FBXL17: variants seen among roughly 807,000 people sequenced by gnomAD.
FBXL17 encodes F-box/LRR-repeat protein 17.
Under a neutral mutation model 66.2 loss-of-function variants are expected in FBXL17, and 22 were observed. The ratio of observed to expected loss-of-function variants is 0.33; its 90% CI spans 0.24 to 0.47. The LOEUF (loss-of-function observed/expected upper bound fraction) is 0.47, where lower values mean the gene tolerates loss of function less well. FBXL17 is among the 20% of genes least tolerant of loss of function. The pLI is 1.00. For synonymous variants in FBXL17, 474 were observed against 400.5 expected (o/e 1.18, Z -2.19); for missense variants, 878 against 948.2 (o/e 0.93, Z 0.97).
chr5:108,183,693 A>G (rs979861988), intron 6 of FBXL17, among the ~76,000 whole-genome samples: 2 of 152,092 alleles, frequency 1.3e-5, no homozygotes, highest in Non-Finnish European at 2.9e-5. Context: ...TGTACCCCAT[A>G]GGCAGTTTTT....
Position 107,924,084 on chromosome 5 carries a change from T to A in FBXL17, c.1823-42905A>T, listed in dbSNP as rs1487193060. On this transcript the variant is annotated intron_variant, in intron 7 of 8. Transcript: ENST00000542267. ...TGTTTTTTTTTTTTTTTTTTTTTTT[T>A]AAGATATGGGGTCTTACTTTGTTGC... is the stretch of plus-strand genomic sequence containing the variant. Among the ~76,000 whole-genome samples the A allele has an allele frequency of 8.8e-5, 9 of 102,544 alleles. No individual in the cohort carries two copies. The South Asian group carries it at 1.4e-3, about 16-fold the overall frequency. 67.3% of individuals were successfully genotyped at this position (102,544 alleles called of 152,430 possible). A position where few individuals can be genotyped will look rare whatever the true frequency, so the allele number is the denominator to read the frequency against.
rs17160871 is a variant in FBXL17, at chr5:108,022,500, C to T, written c.1746-1499G>A. 9.8e-3 allele frequency among the ~76,000 whole-genome samples: 1,488 copies of T among 151,992 alleles called. 29 individuals carry two copies. The highest frequency in any genetic ancestry group is 0.033 in the African/African-American group (1,372 of 41,508). ...CCTAAATCATTAAAAAATAATCTGA[C>T]GGCTTTCTGTCAAATCAAATATACA... On this transcript the variant is annotated intron_variant, in intron 6 of 8. Coordinates refer to ENST00000542267, the MANE Select transcript of FBXL17 (RefSeq NM_001163315.3).
intron 4 of FBXL17, among the ~76,000 whole-genome samples, chr5:108,294,209 A>G (rs187617242): frequency 1.3e-5 from 2 of 148,510 alleles, no homozygotes; most frequent in Admixed American, 1.3e-4. Context: ...TTTTGAAAAG[A>G]TACACTATAT....
intron 4 of FBXL17, among the ~76,000 whole-genome samples, chr5:108,272,630 A>T (rs768389151): frequency 2.0e-5 from 3 of 152,170 alleles, no homozygotes; most frequent in Admixed American, 6.5e-5. Flanking sequence ...CTGGGATTAC[A>T]GGCATAAGCT....
chr5:108,189,801 T>C (rs529784446), intron 5 of FBXL17, among the ~76,000 whole-genome samples: 1 of 152,298 alleles, frequency 6.6e-6, no homozygotes, highest in South Asian at 2.1e-4. Context: ...ACTAAGCAAC[T>C]GTGCTGTGAA....
At chr5:107,905,041 C>A (rs1454977099) in intron 7 of FBXL17, among the ~76,000 whole-genome samples, 2 of 151,568 alleles carry the variant, frequency 1.3e-5, no homozygotes, top group African/African-American at 4.9e-5. Context: ...TCAAACAGGG[C>A]AGCTGAACTT....
intron 8 of FBXL17, among the ~76,000 whole-genome samples, chr5:107,863,684 G>C (rs561215296): frequency 3.1e-4 from 47 of 152,278 alleles, no homozygotes; most frequent in Middle Eastern, 3.4e-3. Context: ...ATAGTTATTA[G>C]TGAGTGAATG....
At chr5:108,035,804 C>T (rs1344616203) in intron 6 of FBXL17, among the ~76,000 whole-genome samples, 1 of 151,980 alleles carries the variant, frequency 6.6e-6, no homozygotes, top group Non-Finnish European at 1.5e-5. Flanking sequence ...ACACCTAAAG[C>T]ACTCTACCCT....
At chr5:108,321,397 A>G (rs772743742) in intron 4 of FBXL17, among the ~76,000 whole-genome samples, 19 of 151,918 alleles carry the variant, frequency 1.3e-4, no homozygotes, top group Non-Finnish European at 2.4e-4. Flanking sequence ...CAAATCAAGT[A>G]CATGTCTTTT....
intron 4 of FBXL17, among the ~76,000 whole-genome samples, chr5:108,284,844 G>C (rs1195703429): frequency 6.6e-6 from 1 of 151,814 alleles, no homozygotes; most frequent in Non-Finnish European, 1.5e-5. Context: ...GGTGGCTGTG[G>C]TTAATTTCTT....
intron 7 of FBXL17, among the ~76,000 whole-genome samples, chr5:107,942,373 T>C (rs554437926): frequency 6.6e-6 from 1 of 152,304 alleles, no homozygotes; most frequent in South Asian, 2.1e-4. Context: ...CCTCATCTCT[T>C]TGTATAACCT....
At chr5:108,375,478 C>T (rs192536615) in intron 1 of FBXL17, among the ~76,000 whole-genome samples, 63 of 151,906 alleles carry the variant, frequency 4.1e-4, no homozygotes, top group African/African-American at 1.5e-3. Context: ...ATCAACCTTA[C>T]AAAAAGTACA....
intron 7 of FBXL17, among the ~76,000 whole-genome samples, chr5:108,013,761 G>T (rs1754270760): frequency 6.6e-6 from 1 of 152,102 alleles, no homozygotes; most frequent in African/African-American, 2.4e-5. Flanking sequence ...GGAATTTAGA[G>T]ATCATATAGG....
At chr5:108,140,213 T>C (rs1751298941) in intron 6 of FBXL17, among the ~76,000 whole-genome samples, 1 of 152,098 alleles carries the variant, frequency 6.6e-6, no homozygotes, top group African/African-American at 2.4e-5. Context: ...ATCAAGCTAA[T>C]TTTTCTGTTT....
intron 7 of FBXL17, among the ~76,000 whole-genome samples, chr5:107,957,329 A>G (rs529903563): frequency 1.5e-4 from 23 of 152,286 alleles, no homozygotes; most frequent in African/African-American, 5.5e-4. Flanking sequence ...AGGAAGTAAC[A>G]TGCTAATAAA....
rs1466441115 is a variant in FBXL17, at chr5:108,333,042, A to T, written c.1506+15357T>A. On this transcript the variant is annotated intron_variant, in intron 4 of 8. Coordinates refer to ENST00000542267, the MANE Select transcript of FBXL17 (RefSeq NM_001163315.3). ...CAAAAAGCTTCAAAAATAGATATAAAATCTTATATAAGAAGTTCTAAGTCA... is the reference window on the plus strand; with the variant it reads ...CAAAAAGCTTCAAAAATAGATATAATATCTTATATAAGAAGTTCTAAGTCA... Among the ~76,000 whole-genome samples, 8 of 148,012 alleles carry T rather than the reference A, an allele frequency of 5.4e-5. No homozygotes were observed. The East Asian group carries it at 1.6e-3, about 29-fold the overall frequency.
At chr5:108,050,081 C>G (rs1289966434) in intron 6 of FBXL17, among the ~76,000 whole-genome samples, 1 of 152,186 alleles carries the variant, frequency 6.6e-6, no homozygotes, top group African/African-American at 2.4e-5. Context: ...CACCCAGATT[C>G]ATAAAACAAG....
chr5:108,181,843 C>T (rs1160467093), intron 6 of FBXL17, among the ~76,000 whole-genome samples: 2 of 152,062 alleles, frequency 1.3e-5, no homozygotes, highest in Non-Finnish European at 2.9e-5. Context: ...CCAGCTATGA[C>T]GCGGAAAATT....
intron 6 of FBXL17, among the ~76,000 whole-genome samples, chr5:108,154,685 A>ATGTG (rs1237766472): frequency 7.2e-4 from 105 of 144,918 alleles, no homozygotes; most frequent in Middle Eastern, 3.6e-3. Context: ...ATATATATAC[A>ATGTG]CATATATATG....
Sources: gnomAD v4.1 joint callset for allele counts (sites outside exome capture counted in the v4.1 genomes callset) on GRCh38, gnomAD v4.1.1 for gene constraint, MANE v1.5 for transcripts, NCBI Gene and HGNC (gene_info 2026-07-23, HGNC 2026-07-21) for gene names.